MRTFA: variants seen among roughly 807,000 people sequenced by gnomAD.
MRTFA encodes the protein myocardin related transcription factor A.
In MRTFA, 20 loss-of-function variants were observed where a neutral mutation model predicts 83.5. The ratio of observed to expected loss-of-function variants is 0.24; its 90% CI spans 0.17 to 0.35. The LOEUF is 0.35. Among genes scored for constraint, MRTFA ranks in the 10% least tolerant of loss-of-function variants. MRTFA has a pLI of 1.00. For missense variants in MRTFA, 1,200 were observed against 1,224.7 expected, an observed-to-expected ratio of 0.98 and a Z score of 0.30; for synonymous variants, 659 against 541.2, an observed-to-expected ratio of 1.22 and a Z score of -3.02.
At chr22:40,602,417 A>G (rs2056270593) in intron 1 of MRTFA, among the ~76,000 whole-genome samples, 1 of 152,220 alleles carries the variant, frequency 6.6e-6, no homozygotes, top group Non-Finnish European at 1.5e-5. Flanking sequence ...ACTTGGGATC[A>G]CCACATCCAC....
intron 4 of MRTFA, among the ~76,000 whole-genome samples, chr22:40,456,362 C>A (rs2053586784): frequency 1.3e-5 from 2 of 151,990 alleles, no homozygotes; most frequent in Non-Finnish European, 2.9e-5. Context: ...CCTCTCTGCA[C>A]CTATTCTGGT....
chr22:40,478,034 T>A (rs1185498319), intron 3 of MRTFA, among the ~76,000 whole-genome samples: 1 of 152,154 alleles, frequency 6.6e-6, no homozygotes, highest in Non-Finnish European at 1.5e-5. Context: ...AATTCTAAGC[T>A]ATCAATACCA....
chr22:40,628,773 C>T (rs1389902492), intron 1 of MRTFA, among the ~76,000 whole-genome samples: 1 of 152,212 alleles, frequency 6.6e-6, no homozygotes, highest in Admixed American at 6.5e-5. Flanking sequence ...GGCTCAGCCC[C>T]TGGACTGTTG....
chr22:40,544,964 T>C (rs1486999610), intron 3 of MRTFA, among the ~76,000 whole-genome samples: 1 of 150,302 alleles, frequency 6.7e-6, no homozygotes, highest in African/African-American at 2.4e-5. Flanking sequence ...AATAAATATA[T>C]ATATATACAC....
At position 40,504,860 on chromosome 22, in the gene MRTFA, C is replaced by G. The variant is rs577053629; in HGVS notation, c.242-41574G>C. ...CCCGCCACCCCTTCATGTCCATCAT[C>G]TTACAAACATGGCTTAAAACTTACC... On this transcript the variant is annotated intron_variant, in intron 3 of 14. Transcript: ENST00000355630. 8.5e-5 allele frequency among the ~76,000 whole-genome samples: 13 copies of G among 152,308 alleles called. No homozygotes were observed. In the South Asian group the frequency reaches 2.5e-3, roughly 29 times the overall value.
chr22:40,423,788 G>A, intron 8 of MRTFA, 103 bp from the exon 9 acceptor site: 1 of 1,116,736 alleles, frequency 9.0e-7, no homozygotes, highest in Non-Finnish European at 1.2e-6. Flanking sequence ...CATTGTCAGA[G>A]GGCAAATGGT....
intron 3 of MRTFA, among the ~76,000 whole-genome samples, chr22:40,483,527 T>C: frequency 6.6e-6 from 1 of 151,028 alleles, no homozygotes; most frequent in East Asian, 2.0e-4. Flanking sequence ...CTACTAAAAA[T>C]ACAAAAAAGT....
chr22:40,519,749 G>A (rs999208713), intron 3 of MRTFA: 17 of 465,296 alleles, frequency 3.7e-5, no homozygotes, highest in Non-Finnish European at 5.2e-5. Context: ...AAACGCCTAA[G>A]AGCAAAGTCT....
chr22:40,497,877 T>A (rs778542623), intron 3 of MRTFA, among the ~76,000 whole-genome samples: 1 of 152,170 alleles, frequency 6.6e-6, no homozygotes, highest in Non-Finnish European at 1.5e-5. Context: ...CTCACACCTG[T>A]AATCCCAGCA....
intron 3 of MRTFA, among the ~76,000 whole-genome samples, chr22:40,500,315 T>TTC (rs796933075): frequency 5.2e-4 from 71 of 137,186 alleles, no homozygotes; most frequent in African/African-American, 1.9e-3. Context: ...TCATATTGCT[T>TTC]TCTTTTTTTT....
intron 3 of MRTFA, among the ~76,000 whole-genome samples, chr22:40,518,089 C>T (rs2054791414): frequency 6.6e-6 from 1 of 152,150 alleles, no homozygotes; most frequent in Admixed American, 6.6e-5. Context: ...CTATGCTTCT[C>T]TCCCATTTGG....
intron 1 of MRTFA, among the ~76,000 whole-genome samples, chr22:40,634,558 G>A (rs190078075): frequency 6.6e-5 from 10 of 152,248 alleles, no homozygotes; most frequent in East Asian, 3.9e-4. Flanking sequence ...GTATTTCAGC[G>A]CGTTACAATC....
At chr22:40,559,947 C>G (rs2055588928) in intron 2 of MRTFA, among the ~76,000 whole-genome samples, 1 of 152,138 alleles carries the variant, frequency 6.6e-6, no homozygotes, top group South Asian at 2.1e-4. Context: ...TTAAAGAGAT[C>G]ACTTAAAATT....
At chr22:40,412,891 T>C (rs1236843691) in intron 14 of MRTFA, 1 of 152,196 alleles carries the variant, frequency 6.6e-6, no homozygotes, top group East Asian at 1.9e-4. Context: ...ATCCCAGCAC[T>C]TTGGGAGGCC....
intron 1 of MRTFA, among the ~76,000 whole-genome samples, chr22:40,617,138 G>A (rs1472972330): frequency 3.5e-4 from 45 of 128,068 alleles, no homozygotes; most frequent in South Asian, 2.9e-4. Flanking sequence ...AGAGAGAGAC[G>A]AGAGAAGGAA....
intron 12 of MRTFA, 119 bp downstream of exon 12, chr22:40,418,255 T>C: frequency 4.0e-6 from 6 of 1,495,984 alleles, no homozygotes; most frequent in Non-Finnish European, 5.3e-6. Context: ...TGAAGGAAGA[T>C]TAAATGAAGC....
chr22:40,418,612 A>G lies in MRTFA; in HGVS notation c.2126T>C (p.Ile709Thr). ...CCCCGGGGCCACAGCACAAGGGTCT[A>G]TGTGGTTGGTGGCTGGGGCCGCCAG... Residue 709 changes from isoleucine (I) to threonine (T), a missense_variant, in exon 12 of 15, where the codon ATA (isoleucine) becomes ACA (threonine). By Grantham distance (89) the Ile-to-Thr change is moderately conservative. Around this residue, in one of 2 missense-constraint regions of MRTFA, gnomAD observed 1,107 missense variants for 1,041.8 expected, o/e 1.06. Coordinates refer to ENST00000355630, the MANE Select transcript of MRTFA (RefSeq NM_020831.6). The G allele has an allele frequency of 6.5e-7, 1 of 1,535,336 alleles. No individual in the cohort carries two copies. Among genetic ancestry groups the G allele is most frequent in the Non-Finnish European group, 8.7e-7 (1 of 1,147,112 alleles).
chr22:40,503,649 G>A (rs2147229314), intron 3 of MRTFA, among the ~76,000 whole-genome samples: 1 of 152,326 alleles, frequency 6.6e-6, no homozygotes, highest in East Asian at 1.9e-4. Flanking sequence ...GATACTGGCT[G>A]GGCGCAGTGG....
chr22:40,519,770 G>A (rs1677639150), intron 3 of MRTFA, among the ~76,000 whole-genome samples: 1 of 152,186 alleles, frequency 6.6e-6, no homozygotes, highest in Non-Finnish European at 1.5e-5. Context: ...GAGTGAAAGT[G>A]ATCAATCTAG....
Sources: gnomAD v4.1 joint callset for allele counts (sites outside exome capture counted in the v4.1 genomes callset) on GRCh38, gnomAD v4.1.1 for gene constraint, gnomAD v4.1.1 regional missense constraint, MANE v1.5 for transcripts, NCBI Gene and HGNC (gene_info 2026-07-23, HGNC 2026-07-21) for gene names.